LRIG3: variants seen among roughly 807,000 people sequenced by gnomAD.
The protein encoded by LRIG3 is leucine rich repeats and immunoglobulin like domains 3, also known as leucine-rich repeats and immunoglobulin-like domains protein 3.
In LRIG3, 76 loss-of-function variants were observed where a neutral mutation model predicts 114.5. That is an observed-to-expected ratio of 0.66 (90% CI 0.55 to 0.80). The LOEUF is 0.80. LRIG3 is among the 30% of genes least tolerant of loss of function. The pLI, the probability that LRIG3 is intolerant of heterozygous loss-of-function variation, is 0.00. For missense variants in LRIG3, 1,239 were observed against 1,382.8 expected, an observed-to-expected ratio of 0.90 and a Z score of 1.65; for synonymous variants, 512 against 519.8, an observed-to-expected ratio of 0.98 and a Z score of 0.20.
chr12:58,906,948 G>A (rs1475079302), intron 3 of LRIG3, among the ~76,000 whole-genome samples: 1 of 146,550 alleles, frequency 6.8e-6, no homozygotes, highest in Non-Finnish European at 1.5e-5. Flanking sequence ...TTATTCCCCT[G>A]CTTAAAAAAA....
At chr12:58,918,031 A>C (rs530280534) in intron 1 of LRIG3, among the ~76,000 whole-genome samples, 1 of 152,366 alleles carries the variant, frequency 6.6e-6, no homozygotes, top group Non-Finnish European at 1.5e-5. Flanking sequence ...ATTTACAATA[A>C]AGAATCCAGA....
Position 58,890,781 on chromosome 12 carries a change from A to G in LRIG3, c.399T>C (p.Ile133=). 6.2e-7 allele frequency: 1 copy of G among 1,604,672 alleles called. No individual in the cohort carries two copies. Among genetic ancestry groups the G allele is most frequent in the Admixed American group, 1.7e-5 (1 of 58,514 alleles). Residue 133 remains isoleucine, a synonymous_variant, in exon 4 of 19, where the codon ATT becomes ATC. Transcript: ENST00000320743. ...ITLLSLAGNR[I]VEILPEHLKE... is the part of the protein sequence containing the mutation. ...TCAGATGTTCAGGGAGTATTTCAAC[A>G]ATCCTGTTTCCAGCCCTAGAATTAA...
chr12:58,880,112 T>C (rs1030151824), intron 13 of LRIG3, among the ~76,000 whole-genome samples: 5 of 151,972 alleles, frequency 3.3e-5, no homozygotes, highest in African/African-American at 1.2e-4. Context: ...CTGACCAATA[T>C]AGTGAAACCC....
At position 58,877,470 on chromosome 12, in the gene LRIG3, C is replaced by G; in HGVS notation, c.2466G>C (p.Thr822=). 2.5e-6 allele frequency: 4 copies of G among 1,614,192 alleles called. No individual in the cohort carries two copies. The highest frequency in any genetic ancestry group is 3.4e-6 in the Non-Finnish European group (4 of 1,180,030). The part of the protein sequence containing the change: ...IIAVVCCVVG[T]SLVWVVIIYH... Reference sequence around the variant, plus strand: ...ATATGATGACCACCCACACGAGTGACGTGCCCACCACACAGCAAACCACGG... The same window carrying G: ...ATATGATGACCACCCACACGAGTGAGGTGCCCACCACACAGCAAACCACGG... Residue 822 remains threonine, a synonymous_variant, in exon 15 of 19, where the codon ACG becomes ACC. Transcript: ENST00000320743.
At chr12:58,912,885 A>G (rs1177863272) in intron 3 of LRIG3, among the ~76,000 whole-genome samples, 1 of 152,246 alleles carries the variant, frequency 6.6e-6, no homozygotes, top group African/African-American at 2.4e-5. Context: ...TTTTAAATAC[A>G]GTGTTTATTT....
chr12:58,897,580 TAACAC>T (rs902080066), intron 3 of LRIG3, among the ~76,000 whole-genome samples: 1 of 152,074 alleles, frequency 6.6e-6, no homozygotes, highest in African/African-American at 2.4e-5. Context: ...CCCTGTCTCT[TAACAC>T]AACAACAACA....
intron 1 of LRIG3, among the ~76,000 whole-genome samples, chr12:58,918,801 A>G (rs943806663): frequency 1.9e-4 from 29 of 152,262 alleles, no homozygotes; most frequent in African/African-American, 7.0e-4. Context: ...AAGAAATTAA[A>G]TATCAATCCA....
Position 58,893,219 on chromosome 12 carries a change from G to A in LRIG3, c.384-2423C>T, listed in dbSNP as rs937929297. Reference sequence around the variant, plus strand: ...AACGGGCATACATTTTAAATTTAAAGAACAAATTAAGAAAGCTTCTCGAAA... The same window carrying A: ...AACGGGCATACATTTTAAATTTAAAAAACAAATTAAGAAAGCTTCTCGAAA... On this transcript the variant is annotated intron_variant, in intron 3 of 18. Coordinates refer to ENST00000320743, the MANE Select transcript of LRIG3 (RefSeq NM_153377.5). Among the ~76,000 whole-genome samples the A allele has an allele frequency of 4.7e-4, 72 of 152,262 alleles. 1 individual carries two copies. The highest frequency in any genetic ancestry group is 1.7e-3 in the African/African-American group (70 of 41,554).
At chr12:58,902,191 T>C (rs930945932) in intron 3 of LRIG3, among the ~76,000 whole-genome samples, 4 of 152,144 alleles carry the variant, frequency 2.6e-5, no homozygotes, top group African/African-American at 9.7e-5. Flanking sequence ...TGAAGAGTAC[T>C]GTCCTCTATC....
chr12:58,886,684 G>A (rs1871285901), intron 9 of LRIG3, 126 bp downstream of exon 9: 1 of 681,560 alleles, frequency 1.5e-6, no homozygotes, highest in Non-Finnish European at 2.5e-6. Flanking sequence ...AGAGGATCAA[G>A]GGTGGTAACC....
chr12:58,907,352 A>G (rs1872104164), intron 3 of LRIG3, among the ~76,000 whole-genome samples: 1 of 152,254 alleles, frequency 6.6e-6, no homozygotes, highest in African/African-American at 2.4e-5. Context: ...ATAATTGAGT[A>G]CCCACCAAAA....
Position 58,890,650 on chromosome 12 carries a change from G to T in LRIG3, c.515+15C>A. The T allele has an allele frequency of 6.5e-7, 1 of 1,546,322 alleles. No individual in the cohort carries two copies. The highest frequency in any genetic ancestry group is 8.7e-7 in the Non-Finnish European group (1 of 1,150,082). ...ATTACAGGTGAAAGTTTTTGCTAAAGAAAACTTCACTTACAGATATTTGAG... is the reference window on the plus strand; with the variant it reads ...ATTACAGGTGAAAGTTTTTGCTAAATAAAACTTCACTTACAGATATTTGAG... On this transcript the variant is annotated intron_variant, in intron 4 of 18. Coordinates refer to ENST00000320743, the MANE Select transcript of LRIG3 (RefSeq NM_153377.5).
chr12:58,884,180 C>T (rs1418488680), intron 10 of LRIG3, among the ~76,000 whole-genome samples: 2 of 152,216 alleles, frequency 1.3e-5, no homozygotes, highest in Non-Finnish European at 2.9e-5. Flanking sequence ...AGCTCACTAA[C>T]ATAAACGCAG....
intron 12 of LRIG3, among the ~76,000 whole-genome samples, chr12:58,881,888 C>T (rs1376096250): frequency 6.6e-6 from 1 of 152,152 alleles, no homozygotes; most frequent in Non-Finnish European, 1.5e-5. Flanking sequence ...ACGATGGATA[C>T]TATACATGTG....
Position 58,920,359 on chromosome 12 carries a change from G to GGT in LRIG3, c.-125_-124insAC. The GGT allele has an allele frequency of 1.6e-6, 1 of 637,748 alleles. No homozygotes were observed. Among genetic ancestry groups the GGT allele is most frequent in the Non-Finnish European group, 2.3e-6 (1 of 432,846 alleles). The allele number at this position is 637,748 out of a possible 1,614,324, so 39.5% of individuals were successfully genotyped here. A position where few individuals can be genotyped will look rare whatever the true frequency, so the allele number is the denominator to read the frequency against. On this transcript the variant is annotated 5_prime_UTR_variant, in exon 1 of 19. Transcript: ENST00000320743. ...GGTCGCGTGCGCGCTCCTCCCTCGCGCTGCCCGGTCAATTCCTTCTTTTAC... is the reference window on the plus strand; with the variant it reads ...GGTCGCGTGCGCGCTCCTCCCTCGCGGTCTGCCCGGTCAATTCCTTCTTTTAC...
intron 3 of LRIG3, among the ~76,000 whole-genome samples, chr12:58,907,562 A>T (rs1743549966): frequency 6.6e-6 from 1 of 152,238 alleles, no homozygotes; most frequent in Non-Finnish European, 1.5e-5. Context: ...ATGCAAAAGC[A>T]GCAGCTGCTG....
chr12:58,890,007 T>G lies in LRIG3; in HGVS notation c.648A>C (p.Gln216His), dbSNP rs760668612. Residue 216 changes from glutamine (Q) to histidine (H), a missense_variant, in exon 5 of 19, where the codon CAA (glutamine) becomes CAC (histidine). Coordinates refer to ENST00000320743, the MANE Select transcript of LRIG3 (RefSeq NM_153377.5). ...AIPPKMFKLP[Q>H]LQHLELNRNK... ...GACATTTTACTTACAGATGTTGCAG[T>G]TGGGGCAGTTTAAACATCTTGGGTG... The G allele has an allele frequency of 6.2e-7, 1 of 1,613,608 alleles. No individual in the cohort carries two copies. The highest frequency in any genetic ancestry group is 8.5e-7 in the Non-Finnish European group (1 of 1,179,688).
rs987622690 is a variant in LRIG3 at position 58,906,216 on chromosome 12, A to G, written c.383+7766T>C. On this transcript the variant is annotated intron_variant, in intron 3 of 18. Coordinates refer to ENST00000320743, the MANE Select transcript of LRIG3 (RefSeq NM_153377.5). ...TGGCTAAAGCTGCTCCTCAACTTCC[A>G]TAATTAATATGAAAAACTGATGACC... 4.5e-4 allele frequency among the ~76,000 whole-genome samples: 69 copies of G among 152,310 alleles called. 1 individual carries two copies. The highest frequency in any genetic ancestry group is 1.6e-3 in the African/African-American group (67 of 41,574).
intron 3 of LRIG3, among the ~76,000 whole-genome samples, chr12:58,902,934 G>A (rs1416171052): frequency 1.3e-5 from 2 of 152,144 alleles, no homozygotes; most frequent in East Asian, 1.9e-4. Flanking sequence ...ATTCCATGGT[G>A]TATATGTGCC....
Sources: gnomAD v4.1 joint callset for allele counts (sites outside exome capture counted in the v4.1 genomes callset) on GRCh38, gnomAD v4.1.1 for gene constraint, MANE v1.5 for transcripts, NCBI Gene and HGNC (gene_info 2026-07-23, HGNC 2026-07-21) for gene names.